Variants in RPL41 observed in about 807,000 individuals in gnomAD.
RPL41 encodes small ribosomal subunit protein eS32.
RPL41 carries 3 observed loss-of-function variants against 7.3 expected under a neutral mutation model. The observed-to-expected ratio is 0.41, with a 90% CI of 0.19 to 1.06. The LOEUF is 1.06. RPL41 is among the 50% of genes least tolerant of loss of function. The pLI is 0.32. For synonymous variants in RPL41, 9 were observed against 7.4 expected, an observed-to-expected ratio of 1.21 and a Z score of -0.34; for missense variants, 13 against 30.4, an observed-to-expected ratio of 0.43 and a Z score of 1.35.
At position 56,116,808 on chromosome 12, in the gene RPL41, T is replaced by C. The variant is rs781460331; in HGVS notation, c.12+9T>C. On this transcript the variant is annotated intron_variant, in intron 1 of 2. Transcript: ENST00000546591. ...GCGCCATGAGAGCCAAGGTGAGCGG[T>C]TCCTGGTAGTAAGCTTGGGAGGTAG... 1.2e-6 allele frequency: 2 copies of C among 1,614,000 alleles called. No homozygotes were observed. Among genetic ancestry groups the C allele is most frequent in the Non-Finnish European group, 1.7e-6 (2 of 1,179,878 alleles).
In RPL41 at chr12:56,117,083, CG is replaced by C; in HGVS notation, c.13-104del. Reference sequence around the variant, plus strand: ...CATACTTCTTGGTTAAGAATCTGTCCGGTTCTAAAGAGTGCATTTCATATCC... The same window carrying C: ...CATACTTCTTGGTTAAGAATCTGTCCGTTCTAAAGAGTGCATTTCATATCC... On this transcript the variant is annotated intron_variant, in intron 1 of 2. Transcript: ENST00000546591. 1.3e-5 allele frequency: 19 copies of C among 1,426,316 alleles called. No homozygotes were observed. The South Asian group carries it at 2.6e-4, about 20-fold the overall frequency. The allele number at this position is 1,426,316 out of a possible 1,614,324, so 88.4% of individuals were successfully genotyped here.
At position 56,117,918 on chromosome 12, in the gene RPL41, G is replaced by T; in HGVS notation, c.*394G>T. The T allele has an allele frequency of 3.2e-6, 1 of 315,980 alleles. No individual in the cohort carries two copies. The highest frequency in any genetic ancestry group is 6.2e-6 in the Non-Finnish European group (1 of 160,356). 19.6% of individuals were successfully genotyped at this position (315,980 alleles called of 1,614,324 possible). A position where few individuals can be genotyped will look rare whatever the true frequency, so the allele number is the denominator to read the frequency against. On this transcript the variant is annotated 3_prime_UTR_variant, in exon 3 of 3. Transcript: ENST00000546591. ...CCCTGTCACTACCTGTGCTATGGAG[G>T]GTATCAAAGCTATAAAGGCAACAGC...
At chr12:56,117,452 G>A in intron 2 of RPL41, 30 bp from the exon 3 acceptor site, 1 of 1,552,340 alleles carries the variant, frequency 6.4e-7, no homozygotes, top group Non-Finnish European at 8.7e-7. Flanking sequence ...CTGGTTTGAG[G>A]TGTATTCCAT....
In RPL41 at chr12:56,117,531, A is replaced by G. The variant is rs1363789835; in HGVS notation, c.*7A>G. The G allele has an allele frequency of 6.5e-6, 10 of 1,550,384 alleles. No individual in the cohort carries two copies. The highest frequency in any genetic ancestry group is 1.7e-4 in the Middle Eastern group (1 of 5,990). ...GAGGCAGAGGTCCAAGTAAACCGCT[A>G]GCTTGTTGCACCGTGGAGGCCACAG... On this transcript the variant is annotated 3_prime_UTR_variant, in exon 3 of 3. Coordinates refer to ENST00000546591, the MANE Select transcript of RPL41 (RefSeq NM_001035267.2).
chr12:56,116,716 C>T lies in RPL41; in HGVS notation c.-72C>T, dbSNP rs376739018. 6.4e-7 allele frequency: 1 copy of T among 1,560,478 alleles called. No individual in the cohort carries two copies. The highest frequency in any genetic ancestry group is 8.8e-7 in the Non-Finnish European group (1 of 1,131,198). On this transcript the variant is annotated 5_prime_UTR_variant, in exon 1 of 3. Coordinates refer to ENST00000546591, the MANE Select transcript of RPL41 (RefSeq NM_001035267.2). ...CCGTGTACAATCCATAGACATCTGA[C>T]CTCGGCACTTAGCATCATCACAGCA...
Position 56,116,693 on chromosome 12 carries a change from G to A in RPL41, c.-95G>A. On this transcript the variant is annotated 5_prime_UTR_variant, in exon 1 of 3. It adds an upstream start codon to the 5' untranslated region. Transcript: ENST00000546591. Reference sequence around the variant, plus strand: ...TTTTTGGTTCCTGCGTTGGGATTCCGTGTACAATCCATAGACATCTGACCT... The same window carrying A: ...TTTTTGGTTCCTGCGTTGGGATTCCATGTACAATCCATAGACATCTGACCT... The A allele has an allele frequency of 6.9e-7, 1 of 1,446,200 alleles. No individual in the cohort carries two copies. Among genetic ancestry groups the A allele is most frequent in the South Asian group, 1.1e-5 (1 of 87,570 alleles). 89.6% of individuals were successfully genotyped at this position (1,446,200 alleles called of 1,614,324 possible).
At chr12:56,116,823 T>C in intron 1 of RPL41, 24 bp downstream of exon 1, 3 of 1,613,920 alleles carry the variant, frequency 1.9e-6, no homozygotes, top group Non-Finnish European at 2.5e-6. Flanking sequence ...GGTAGTAAGC[T>C]TGGGAGGTAG....
At position 56,116,794 on chromosome 12, in the gene RPL41, G is replaced by A. The variant is rs1227641220; in HGVS notation, c.7G>A (p.Ala3Thr). The A allele has an allele frequency of 6.2e-7, 1 of 1,614,024 alleles. No homozygotes were observed. Among genetic ancestry groups the A allele is most frequent in the East Asian group, 2.2e-5 (1 of 44,892 alleles). Residue 3 changes from alanine to threonine, a missense_variant, in exon 1 of 3, where the codon GCC becomes ACC. Physicochemically the swap from Ala to Thr is moderately conservative, Grantham distance 58. Transcript: ENST00000546591. ...CTGTAGAAACCTCTGCGCCATGAGA[G>A]CCAAGGTGAGCGGTTCCTGGTAGTA... MR[A>T]KWRKKRMRRL... is the part of the protein sequence containing the mutation.
At chr12:56,117,361 G>A in intron 2 of RPL41, 121 bp from the exon 3 acceptor site, 1 of 1,408,002 alleles carries the variant, frequency 7.1e-7, no homozygotes, top group Admixed American at 2.0e-5. Flanking sequence ...AACAGAGAAC[G>A]ATAGAACCGT....
intron 1 of RPL41, 51 bp from the exon 2 acceptor site, chr12:56,117,138 C>CTTTT (rs535158816): frequency 1.7e-4 from 240 of 1,424,152 alleles, no homozygotes; most frequent in South Asian, 1.1e-3. Flanking sequence ...AGCTTCATCC[C>CTTTT]TTTTTTTTTT....
At position 56,117,210 on chromosome 12, in the gene RPL41, AGGT is replaced by A. The variant is rs1565867306; in HGVS notation, c.35_35+2del. On this transcript the variant is annotated splice_donor_variant and coding_sequence_variant, in exon 2 of 3. Coordinates refer to ENST00000546591, the MANE Select transcript of RPL41 (RefSeq NM_001035267.2). LOFTEE classifies it high-confidence loss of function. ...CTAGTGGAGGAAGAAGCGAATGCGCAGGTACGTTGAGACTTTGCCAGCCCAGGA... is the reference window on the plus strand; with the variant it reads ...CTAGTGGAGGAAGAAGCGAATGCGCAACGTTGAGACTTTGCCAGCCCAGGA... 6.3e-7 allele frequency: 1 copy of A among 1,597,794 alleles called. No homozygotes were observed. The highest frequency in any genetic ancestry group is 8.5e-7 in the Non-Finnish European group (1 of 1,175,840).
At chr12:56,116,961 C>A in intron 1 of RPL41, 162 bp downstream of exon 1, 1 of 1,142,498 alleles carries the variant, frequency 8.8e-7, no homozygotes, top group Non-Finnish European at 1.3e-6. Flanking sequence ...CGGTTAAGTG[C>A]TATGGGTAGA....
chr12:56,117,065 C>T, intron 1 of RPL41, 124 bp from the exon 2 acceptor site: 1 of 1,360,646 alleles, frequency 7.3e-7, no homozygotes, highest in African/African-American at 1.5e-5. Context: ...TTTCATACTT[C>T]TTGGTTAAGA....
In RPL41 at chr12:56,116,796, C is replaced by T. The variant is rs1258521100; in HGVS notation, c.9C>T (p.Ala3=). The change falls in exon 1 of 3, where the codon GCC becomes GCT. Residue 3 remains alanine (A), a synonymous_variant. Transcript: ENST00000546591. ...GTAGAAACCTCTGCGCCATGAGAGC[C>T]AAGGTGAGCGGTTCCTGGTAGTAAG... is the stretch of plus-strand genomic sequence containing the variant. MR[A]KWRKKRMRRL... is the part of the protein sequence containing the mutation. The T allele has an allele frequency of 6.2e-7, 1 of 1,614,034 alleles. No individual in the cohort carries two copies. Among genetic ancestry groups the T allele is most frequent in the South Asian group, 1.1e-5 (1 of 91,084 alleles).
chr12:56,117,866 G>A lies in RPL41; in HGVS notation c.*342G>A. ...ATTATGTTTTTTATGGTTCCATCGG[G>A]TGGGGGTTTTCTGTCATTAGAGTTT... is the stretch of plus-strand genomic sequence containing the variant. On this transcript the variant is annotated 3_prime_UTR_variant, in exon 3 of 3. Coordinates refer to ENST00000546591, the MANE Select transcript of RPL41 (RefSeq NM_001035267.2). 2.8e-6 allele frequency: 1 copy of A among 362,782 alleles called. No homozygotes were observed. Among genetic ancestry groups the A allele is most frequent in the Non-Finnish European group, 5.4e-6 (1 of 186,644 alleles). 22.5% of individuals were successfully genotyped at this position (362,782 alleles called of 1,614,324 possible). A position where few individuals can be genotyped will look rare whatever the true frequency, so the allele number is the denominator to read the frequency against.
At chr12:56,116,833 G>C (rs1869617662) in intron 1 of RPL41, 34 bp downstream of exon 1, 1 of 1,613,780 alleles carries the variant, frequency 6.2e-7, no homozygotes, top group African/African-American at 1.3e-5. Context: ...TTGGGAGGTA[G>C]GAGTTGGCGA....
chr12:56,117,854 T>C lies in RPL41; in HGVS notation c.*330T>C, dbSNP rs1869671120. ...ATCATCTTGTCTATTATGTTTTTTA[T>C]GGTTCCATCGGGTGGGGGTTTTCTG... On this transcript the variant is annotated 3_prime_UTR_variant, in exon 3 of 3. Transcript: ENST00000546591. The C allele has an allele frequency of 5.3e-6, 2 of 373,836 alleles. No individual in the cohort carries two copies. Among genetic ancestry groups the C allele is most frequent in the Admixed American group, 3.8e-5 (1 of 26,352 alleles). The allele number at this position is 373,836 out of a possible 1,614,324, so 23.2% of individuals were successfully genotyped here.
chr12:56,117,363 T>C (rs531488044), intron 2 of RPL41, 119 bp from the exon 3 acceptor site: 6 of 1,404,298 alleles, frequency 4.3e-6, no homozygotes, highest in Middle Eastern at 1.7e-4. Flanking sequence ...CAGAGAACGA[T>C]AGAACCGTAG....
intron 2 of RPL41, 26 bp from the exon 3 acceptor site, chr12:56,117,456 A>G: frequency 1.3e-6 from 2 of 1,552,716 alleles, no homozygotes; most frequent in South Asian, 2.4e-5. Context: ...TTTGAGGTGT[A>G]TTCCATTCCT....
Sources: gnomAD v4.1 joint callset for allele counts on GRCh38, gnomAD v4.1.1 for gene constraint, MANE v1.5 for transcripts, NCBI Gene and HGNC (gene_info 2026-07-23, HGNC 2026-07-21) for gene names.